The following SIK3 variants were observed in gnomAD, a reference collection of about 807,000 sequenced individuals.
The protein encoded by SIK3 is SIK family kinase 3, also known as serine/threonine-protein kinase SIK3.
A neutral mutation model predicts 144.2 loss-of-function variants in SIK3; 28 were observed. The observed-to-expected ratio is 0.19, with a 90% confidence interval of 0.14 to 0.27. The LOEUF (loss-of-function observed/expected upper bound fraction) is 0.27, where lower values mean the gene tolerates loss of function less well. SIK3 is among the 10% of genes least tolerant of loss of function. The pLI, the probability that SIK3 is intolerant of heterozygous loss-of-function variation, is 1.00. For missense variants in SIK3, 1,319 were observed against 1,776.0 expected (o/e 0.74, Z 4.62); for synonymous variants, 686 against 676.3 (o/e 1.01, Z -0.22).
chr11:117,062,238 G>A (rs1378711770), intron 1 of SIK3, among the ~76,000 whole-genome samples: 2 of 152,122 alleles, frequency 1.3e-5, no homozygotes, highest in Non-Finnish European at 2.9e-5. Context: ...TAGGAAATAG[G>A]CTAATATTTC....
At chr11:116,893,851 G>A (rs1945260412) in intron 6 of SIK3, 1 of 160,280 alleles carries the variant, frequency 6.2e-6, no homozygotes, top group South Asian at 2.1e-4. Context: ...TCCTTTTATA[G>A]TAAACTGGAA....
chr11:116,883,686 C>T (rs1490823011), intron 6 of SIK3, among the ~76,000 whole-genome samples: 3 of 152,196 alleles, frequency 2.0e-5, no homozygotes, highest in Non-Finnish European at 2.9e-5. Flanking sequence ...ATAATCCCAG[C>T]ACTCTGGGAG....
rs376029790 is a variant in SIK3, at chr11:116,927,241, G to A, written c.594C>T (p.Ala198=). 125 of 1,613,682 alleles carry A rather than the reference G, an allele frequency of 7.7e-5. No individual in the cohort carries two copies. Among genetic ancestry groups the A allele is most frequent in the Non-Finnish European group, 9.2e-5 (109 of 1,179,850 alleles). The stretch of plus-strand genomic sequence containing the variant: ...CACCTGCTATTTTGATATTCAGATT[G>A]GCATCCAGAAGTAAATTTTCAGCTT... ...DLKAENLLLD[A]NLNIKIADFG... Residue 198 remains alanine, a synonymous_variant, in exon 4 of 25, where the codon GCC becomes GCT. Transcript: ENST00000445177.
At chr11:117,004,851 G>A (rs932476150) in intron 1 of SIK3, among the ~76,000 whole-genome samples, 2 of 152,122 alleles carry the variant, frequency 1.3e-5, no homozygotes, top group East Asian at 3.9e-4. Flanking sequence ...AAAGCCTATG[G>A]GAAAACAAAG....
intron 4 of SIK3, among the ~76,000 whole-genome samples, chr11:116,917,660 G>A (rs1946719457): frequency 6.6e-6 from 1 of 151,884 alleles, no homozygotes; most frequent in African/African-American, 2.4e-5. Context: ...AGTGAGCTAT[G>A]ACTGCACCAC....
intron 1 of SIK3, among the ~76,000 whole-genome samples, chr11:117,014,916 T>C (rs568713102): frequency 6.6e-6 from 1 of 152,152 alleles, no homozygotes; most frequent in Admixed American, 6.5e-5. Flanking sequence ...ATATGAAAAT[T>C]AGCCGATCAC....
In SIK3 at chr11:116,858,105, T is replaced by G; in HGVS notation, c.3360A>C (p.Ser1120=). 6.2e-7 allele frequency: 1 copy of G among 1,614,154 alleles called. No individual in the cohort carries two copies. Among genetic ancestry groups the G allele is most frequent in the Non-Finnish European group, 8.5e-7 (1 of 1,180,008 alleles). ...LLQIRAQECV[S]QASSPTPPHG... ...GGGGCGGGGTGGGTGAGGAAGCCTG[T>G]GAGACACATTCTTGTGCCCTGATTT... is the stretch of plus-strand genomic sequence containing the variant. The change falls in exon 21 of 25, where the codon TCA becomes TCC. Residue 1120 remains serine, a synonymous_variant. Transcript: ENST00000445177. The surrounding 1 kb of genome is among the most constrained non-coding windows in gnomAD (Gnocchi z 5.4).
intron 1 of SIK3, among the ~76,000 whole-genome samples, chr11:116,987,963 C>T (rs1479339257): frequency 6.6e-6 from 1 of 152,152 alleles, no homozygotes; most frequent in African/African-American, 2.4e-5. Context: ...ATGTAAAGGA[C>T]GTTACCTCGA....
In SIK3 at chr11:117,072,357, C is replaced by T. The variant is rs1340679549; in HGVS notation, c.273+25786G>A. On this transcript the variant is annotated intron_variant, in intron 1 of 24. Transcript: ENST00000445177. ...GAGCCCAGATCATGCCACGGCACTC[C>T]AGCCTGCACAAGAGCAAAACTCCGT... Among the ~76,000 whole-genome samples the T allele has an allele frequency of 2.0e-5, 3 of 152,028 alleles. No individual in the cohort carries two copies. In the East Asian group the frequency reaches 5.8e-4, roughly 29 times the overall value.
chr11:116,847,674 C>G (rs748767097), intron 22 of SIK3, 66 bp from the exon 23 acceptor site: 15 of 1,600,498 alleles, frequency 9.4e-6, no homozygotes, highest in Non-Finnish European at 1.3e-5. Flanking sequence ...CCCCTAGAGA[C>G]AGCTGGTCCT....
intron 3 of SIK3, among the ~76,000 whole-genome samples, chr11:116,936,749 A>G (rs1947941050): frequency 6.6e-6 from 1 of 152,182 alleles, no homozygotes; most frequent in Non-Finnish European, 1.5e-5. Context: ...TGGTCGTGTC[A>G]TTCATTTAAC....
At chr11:117,076,960 A>T (rs1954573204) in intron 1 of SIK3, among the ~76,000 whole-genome samples, 1 of 151,736 alleles carries the variant, frequency 6.6e-6, no homozygotes, top group Non-Finnish European at 1.5e-5. Flanking sequence ...GTTTGAGACC[A>T]GCCTAGGCAA....
chr11:116,908,994 C>A (rs1278176439), intron 4 of SIK3, among the ~76,000 whole-genome samples: 1 of 152,046 alleles, frequency 6.6e-6, no homozygotes, highest in African/African-American at 2.4e-5. Flanking sequence ...AAACTGAAAG[C>A]AATAGGGGCT....
At chr11:116,974,186 T>A (rs1000585005) in intron 1 of SIK3, among the ~76,000 whole-genome samples, 1 of 152,222 alleles carries the variant, frequency 6.6e-6, no homozygotes, top group Non-Finnish European at 1.5e-5. Context: ...GCAAACATCA[T>A]AATGGAATGC....
chr11:116,850,424 C>A (rs1369590416), intron 21 of SIK3, among the ~76,000 whole-genome samples: 1 of 152,204 alleles, frequency 6.6e-6, no homozygotes, highest in Non-Finnish European at 1.5e-5. Context: ...GATTCTTCTG[C>A]CTTCACTCCT....
At chr11:116,918,443 T>C (rs964495924) in intron 4 of SIK3, among the ~76,000 whole-genome samples, 10 of 152,130 alleles carry the variant, frequency 6.6e-5, no homozygotes, top group Non-Finnish European at 1.5e-4. Flanking sequence ...TTCTGCCCTT[T>C]GCTTCTCTCC....
chr11:117,088,310 G>C (rs1367004679), intron 1 of SIK3, among the ~76,000 whole-genome samples: 1 of 152,118 alleles, frequency 6.6e-6, no homozygotes, highest in African/African-American at 2.4e-5. Context: ...TAGATACACT[G>C]ATCTTCCTAA....
At chr11:117,033,708 TAA>T (rs11347459) in intron 1 of SIK3, among the ~76,000 whole-genome samples, 166 of 91,488 alleles carry the variant, frequency 1.8e-3, no homozygotes, top group African/African-American at 3.5e-3. Flanking sequence ...AGACTCCGTC[TAA>T]AAAAAAAAAA....
intron 1 of SIK3, among the ~76,000 whole-genome samples, chr11:116,968,372 A>G (rs1229304678): frequency 6.6e-6 from 1 of 152,036 alleles, no homozygotes; most frequent in Non-Finnish European, 1.5e-5. Context: ...TCAAACTCCT[A>G]ACCTTGTGAT....
Sources: gnomAD v4.1 joint callset for allele counts (sites outside exome capture counted in the v4.1 genomes callset) on GRCh38, gnomAD v4.1.1 for gene constraint, Gnocchi (gnomAD v3.1) non-coding constraint, MANE v1.5 for transcripts, NCBI Gene and HGNC (gene_info 2026-07-23, HGNC 2026-07-21) for gene names.